Variants in TRDN observed in about 807,000 individuals in gnomAD.
TRDN encodes the protein triadin in skeletal muscle.
A neutral mutation model predicts 149.7 loss-of-function variants in TRDN; 161 were observed. The ratio of observed to expected loss-of-function variants is 1.08; its 90% CI spans 0.95 to 1.23. TRDN has a LOEUF of 1.23. Ranked by LOEUF, TRDN falls within the 50% of genes most tolerant of loss-of-function variation. TRDN has a pLI of 0.00. For synonymous variants in TRDN, 294 were observed against 250.5 expected (o/e 1.17, Z -1.64); for missense variants, 896 against 823.5 (o/e 1.09, Z -1.08).
rs111692371 is a variant in TRDN at position 123,604,357 on chromosome 6, C to T, written c.22+32397G>A. On this transcript the variant is annotated intron_variant, in intron 1 of 40. Transcript: ENST00000334268. ...GACATTGCAGGTCTATTCACATTGC[C>T]GGAGGCAAAGACACTTGTAGCAAAA... Among the ~76,000 whole-genome samples the T allele has an allele frequency of 4.5e-3, 682 of 152,186 alleles. 6 individuals are homozygous for T. The highest frequency in any genetic ancestry group is 0.016 in the African/African-American group (651 of 41,516).
At chr6:123,343,826 ATTCT>A (rs1479956696) in intron 21 of TRDN, among the ~76,000 whole-genome samples, 1 of 152,058 alleles carries the variant, frequency 6.6e-6, no homozygotes, top group Admixed American at 6.6e-5. Flanking sequence ...GTTCCTGTAC[ATTCT>A]TTCTGTAACA....
Position 123,377,738 on chromosome 6 carries a change from C to G in TRDN, c.1224G>C (p.Lys408Asn). Reference protein sequence around the residue: ...EKKEKHVEPAKSPKKEHSVPS... With the variant: ...EKKEKHVEPANSPKKEHSVPS... ...CACCTGAGTGTTCTTTCTTTGGTGA[C>G]TTTGCTGTATCAAAAAGGAAAGAAA... is the stretch of plus-strand genomic sequence containing the variant. Residue 408 changes from lysine (K) to asparagine (N), a missense_variant, in exon 18 of 41, where the codon AAG (lysine) becomes AAC (asparagine). By Grantham distance (94) the Lys-to-Asn change is moderately conservative. Transcript: ENST00000334268. 1 of 1,612,940 alleles carries G rather than the reference C, an allele frequency of 6.2e-7. No homozygotes were observed. Among genetic ancestry groups the G allele is most frequent in the Non-Finnish European group, 8.5e-7 (1 of 1,179,558 alleles).
chr6:123,391,145 A>G (rs1399853672), intron 13 of TRDN, among the ~76,000 whole-genome samples: 1 of 152,012 alleles, frequency 6.6e-6, no homozygotes, highest in Non-Finnish European at 1.5e-5. Flanking sequence ...TTTATGTAAT[A>G]CCTGTGAACT....
intron 9 of TRDN, among the ~76,000 whole-genome samples, chr6:123,478,397 C>G (rs1777596953): frequency 6.6e-6 from 1 of 152,110 alleles, no homozygotes; most frequent in South Asian, 2.1e-4. Context: ...GATAGAGTAC[C>G]AACTGGGATA....
At chr6:123,609,905 T>A (rs754209611) in intron 1 of TRDN, among the ~76,000 whole-genome samples, 1 of 152,162 alleles carries the variant, frequency 6.6e-6, no homozygotes, top group Non-Finnish European at 1.5e-5. Flanking sequence ...AAGGAGGCAC[T>A]CGGTATATGA....
chr6:123,546,816 G>A (rs1781135201), intron 4 of TRDN, among the ~76,000 whole-genome samples: 2 of 151,932 alleles, frequency 1.3e-5, no homozygotes, highest in East Asian at 1.9e-4. Flanking sequence ...GGCACATCCA[G>A]GTAACTCCAC....
In TRDN at chr6:123,438,980, CCTT is replaced by C. The variant is rs1774734616; in HGVS notation, c.952_954del (p.Lys318del). On this transcript the variant is annotated inframe_deletion, in exon 11 of 41. Coordinates refer to ENST00000334268, the MANE Select transcript of TRDN (RefSeq NM_006073.4). ...GTTTCAGAAGTAACTTTCTTCTCAGCCTTCTTCTTTTCCCCTTCTTTTTCTAGA... is the reference window on the plus strand; with the variant it reads ...GTTTCAGAAGTAACTTTCTTCTCAGCCTTCTTTTCCCCTTCTTTTTCTAGA... The C allele has an allele frequency of 9.0e-6, 14 of 1,561,200 alleles. No homozygotes were observed. Among genetic ancestry groups the C allele is most frequent in the Non-Finnish European group, 1.2e-5 (14 of 1,151,416 alleles).
intron 32 of TRDN, among the ~76,000 whole-genome samples, chr6:123,266,513 A>AAT (rs1268326105): frequency 2.0e-3 from 44 of 22,038 alleles, no homozygotes; most frequent in South Asian, 3.3e-3. Flanking sequence ...TATATATTAT[A>AAT]ATATGTATTA....
intron 12 of TRDN, among the ~76,000 whole-genome samples, chr6:123,399,336 A>G (rs1330616836): frequency 6.6e-6 from 1 of 152,198 alleles, no homozygotes; most frequent in Non-Finnish European, 1.5e-5. Flanking sequence ...TGTGAGAATG[A>G]CAAGTTTCTT....
At chr6:123,224,836 T>C (rs1420253114) in intron 38 of TRDN, among the ~76,000 whole-genome samples, 1 of 151,756 alleles carries the variant, frequency 6.6e-6, no homozygotes, top group Non-Finnish European at 1.5e-5. Flanking sequence ...TTAACATTGG[T>C]ATTGGCAATG....
chr6:123,219,884 C>T (rs1775084507), intron 40 of TRDN, among the ~76,000 whole-genome samples: 1 of 151,756 alleles, frequency 6.6e-6, no homozygotes, highest in Non-Finnish European at 1.5e-5. Flanking sequence ...AAATCCATTG[C>T]TAAAAGTAGA....
intron 23 of TRDN, among the ~76,000 whole-genome samples, chr6:123,327,966 T>G (rs1226084626): frequency 6.6e-6 from 1 of 152,214 alleles, no homozygotes; most frequent in Non-Finnish European, 1.5e-5. Flanking sequence ...TCATGCACAT[T>G]GATTTTTGCG....
intron 1 of TRDN, among the ~76,000 whole-genome samples, chr6:123,618,489 G>A (rs1031214166): frequency 1.4e-4 from 21 of 152,000 alleles, no homozygotes; most frequent in African/African-American, 5.1e-4. Context: ...TCTCCCGCTC[G>A]AGGTTCTTAA....
intron 12 of TRDN, among the ~76,000 whole-genome samples, chr6:123,422,264 A>C (rs1173005386): frequency 6.6e-6 from 1 of 152,050 alleles, no homozygotes; most frequent in African/African-American, 2.4e-5. Context: ...CACATCTAAC[A>C]TGTTACCCAA....
chr6:123,450,148 C>T (rs1356678147), intron 10 of TRDN, among the ~76,000 whole-genome samples: 2 of 152,030 alleles, frequency 1.3e-5, no homozygotes, highest in Admixed American at 6.6e-5. Flanking sequence ...CCCTATAAGA[C>T]AAAAATAGAA....
intron 10 of TRDN, among the ~76,000 whole-genome samples, chr6:123,449,082 C>G (rs1583046559): frequency 2.0e-5 from 3 of 152,170 alleles, no homozygotes; most frequent in East Asian, 3.9e-4. Flanking sequence ...AGCCTTCAGC[C>G]CTAGACCTTC....
intron 38 of TRDN, among the ~76,000 whole-genome samples, chr6:123,251,190 G>GC (rs1396227293): frequency 6.6e-6 from 1 of 151,776 alleles, no homozygotes; most frequent in East Asian, 1.9e-4. Context: ...AATTCCTGAA[G>GC]CAAGTCTATG....
In TRDN at chr6:123,307,892, T is replaced by C. The variant is rs560095355; in HGVS notation, c.1510+8565A>G. 2.6e-5 allele frequency among the ~76,000 whole-genome samples: 4 copies of C among 152,178 alleles called. No individual in the cohort carries two copies. In the East Asian group the frequency reaches 7.7e-4, roughly 29 times the overall value. On this transcript the variant is annotated intron_variant, in intron 24 of 40. Transcript: ENST00000334268. ...TTTTATTTTAGATTTAAAAGGTACA[T>C]GTGCAGGGTTGTTACCTGGGTATAT...
intron 9 of TRDN, among the ~76,000 whole-genome samples, chr6:123,479,263 C>T (rs930430765): frequency 1.4e-4 from 21 of 152,132 alleles, no homozygotes; most frequent in African/African-American, 4.8e-4. Context: ...TATTTATTTT[C>T]TTTCTGGGGG....
Sources: allele counts gnomAD v4.1 joint callset (sites outside exome capture counted in the v4.1 genomes callset), GRCh38; gene constraint gnomAD v4.1.1; transcripts MANE v1.5; gene names NCBI Gene and HGNC (gene_info 2026-07-23, HGNC 2026-07-21).